IQCH: variants seen among roughly 807,000 people sequenced by gnomAD.
The protein encoded by IQCH is IQ motif containing H.
Under a neutral mutation model 117.0 loss-of-function variants are expected in IQCH, and 98 were observed. That is an observed-to-expected ratio of 0.84 (90% CI 0.71 to 0.99). The LOEUF (loss-of-function observed/expected upper bound fraction) is 0.99. Ranked by LOEUF, IQCH falls within the 50% of genes least tolerant of loss-of-function variation. The pLI, the probability that IQCH is intolerant of heterozygous loss-of-function variation, is 0.00. For synonymous variants in IQCH, 412 were observed against 448.2 expected (o/e 0.92, Z 1.02); for missense variants, 1,102 against 1,243.8 (o/e 0.89, Z 1.72).
chr15:67,444,475 A>G (rs2082349600), intron 16 of IQCH, among the ~76,000 whole-genome samples: 1 of 152,156 alleles, frequency 6.6e-6, no homozygotes, highest in African/African-American at 2.4e-5. Flanking sequence ...CCCCATAATA[A>G]TTTCACAATG....
chr15:67,484,590 A>T lies in IQCH; in HGVS notation c.2800-5413A>T, dbSNP rs2083424546. On this transcript the variant is annotated intron_variant, in intron 18 of 20. Coordinates refer to ENST00000335894, the MANE Select transcript of IQCH (RefSeq NM_001031715.3). ...CTAAAAATACAAAAAAAAAAAAAAA[A>T]AATAGCTAGGGATGGTGGTGCGCAC... is the stretch of plus-strand genomic sequence containing the variant. 3.4e-5 allele frequency among the ~76,000 whole-genome samples: 5 copies of T among 148,718 alleles called. No individual in the cohort carries two copies. In the South Asian group the frequency reaches 1.1e-3, roughly 31 times the overall value.
chr15:67,273,047 A>G (rs1317828944), intron 3 of IQCH, among the ~76,000 whole-genome samples: 1 of 151,702 alleles, frequency 6.6e-6, no homozygotes, highest in African/African-American at 2.4e-5. Flanking sequence ...GTTTTAATTC[A>G]TTGCTTTTTT....
chr15:67,400,871 T>C (rs1025562750), intron 14 of IQCH, among the ~76,000 whole-genome samples: 2 of 152,144 alleles, frequency 1.3e-5, no homozygotes, highest in African/African-American at 4.8e-5. Context: ...AATTAGGAAG[T>C]AATTTTTTTT....
chr15:67,271,200 CGTT>C (rs1965884935), intron 3 of IQCH, among the ~76,000 whole-genome samples: 2 of 152,152 alleles, frequency 1.3e-5, no homozygotes, highest in African/African-American at 2.4e-5. Context: ...GAACTCCTGA[CGTT>C]GTGATCCGCC....
Position 67,463,209 on chromosome 15 carries a change from GA to G in IQCH, c.2506-1913del, listed in dbSNP as rs1185799923. Among the ~76,000 whole-genome samples, 7 of 152,272 alleles carry G rather than the reference GA, an allele frequency of 4.6e-5. No individual in the cohort carries two copies. The highest frequency in any genetic ancestry group is 1.7e-4 in the African/African-American group (7 of 41,542). On this transcript the variant is annotated intron_variant, in intron 16 of 20. Transcript: ENST00000335894. The surrounding 1 kb of genome is among the most constrained non-coding windows in gnomAD (Gnocchi z 4.0). ...GGGGTAAATACAGGCCTTCTAGGAG[GA>G]AAAACTGTTTAATCAAGTCTTCATG... is the stretch of plus-strand genomic sequence containing the variant.
chr15:67,405,954 A>G lies in IQCH; in HGVS notation c.2097+5649A>G, dbSNP rs1375275216. On this transcript the variant is annotated intron_variant, in intron 14 of 20. Transcript: ENST00000335894. This position sits in a 1 kb window ranked among gnomAD's most constrained non-coding sequence, Gnocchi z 4.8. ...GAGGTGTAGGGGGCCATCAATACACACACCTCAGAGCTGGAGAGGAGGAGC... is the reference window on the plus strand; with the variant it reads ...GAGGTGTAGGGGGCCATCAATACACGCACCTCAGAGCTGGAGAGGAGGAGC... 3.3e-5 allele frequency: 5 copies of G among 152,192 alleles called. No homozygotes were observed. Among genetic ancestry groups the G allele is most frequent in the African/African-American group, 4.8e-5 (2 of 41,446 alleles). 9.4% of individuals were successfully genotyped at this position (152,192 alleles called of 1,614,324 possible). A position where few individuals can be genotyped will look rare whatever the true frequency, so the allele number is the denominator to read the frequency against.
intron 7 of IQCH, among the ~76,000 whole-genome samples, chr15:67,358,314 C>G (rs1254120053): frequency 2.1e-5 from 3 of 142,778 alleles, no homozygotes; most frequent in African/African-American, 5.2e-5. Flanking sequence ...CATGCCTTAG[C>G]CTCCCGAGTA....
intron 4 of IQCH, among the ~76,000 whole-genome samples, chr15:67,317,904 G>A (rs1379499750): frequency 1.3e-5 from 2 of 151,962 alleles, no homozygotes; most frequent in African/African-American, 2.4e-5. Flanking sequence ...CCCTACACAC[G>A]GCTTCCCTTA....
At chr15:67,368,156 G>T (rs1228946481) in intron 8 of IQCH, among the ~76,000 whole-genome samples, 1 of 152,182 alleles carries the variant, frequency 6.6e-6, no homozygotes, top group Non-Finnish European at 1.5e-5. Flanking sequence ...GGCAAAGCTT[G>T]GATTTGAACC....
chr15:67,386,138 A>G lies in IQCH; in HGVS notation c.1456+1119A>G, dbSNP rs1265523153. 6.6e-6 allele frequency among the ~76,000 whole-genome samples: 1 copy of G among 152,182 alleles called. No individual in the cohort carries two copies. The highest frequency in any genetic ancestry group is 2.4e-5 in the African/African-American group (1 of 41,464). ...TTGTTAGTGCTAAGCTATTTCAACT[A>G]AAAACCTGACTGGATGGAAACCACT... is the stretch of plus-strand genomic sequence containing the variant. On this transcript the variant is annotated intron_variant, in intron 11 of 20. Coordinates refer to ENST00000335894, the MANE Select transcript of IQCH (RefSeq NM_001031715.3). The surrounding 1 kb of genome is among the most constrained non-coding windows in gnomAD (Gnocchi z 5.0).
chr15:67,298,630 C>A (rs1966878702), intron 4 of IQCH, among the ~76,000 whole-genome samples: 1 of 152,094 alleles, frequency 6.6e-6, no homozygotes, highest in Non-Finnish European at 1.5e-5. Context: ...CGTTGGGAGG[C>A]CGAGGTGGGC....
In IQCH at chr15:67,395,846, T is replaced by C. The variant is rs1971452666; in HGVS notation, c.1905+283T>C. On this transcript the variant is annotated intron_variant, in intron 13 of 20. Coordinates refer to ENST00000335894, the MANE Select transcript of IQCH (RefSeq NM_001031715.3). The surrounding 1 kb of genome is among the most constrained non-coding windows in gnomAD (Gnocchi z 4.0). ...TGTGACTTCCAGCTAATTTTTGTAT[T>C]TTTAGTAGAGATGGGGTTTCACCAT... Among the ~76,000 whole-genome samples, 5 of 151,882 alleles carry C rather than the reference T, an allele frequency of 3.3e-5. No homozygotes were observed. The highest frequency in any genetic ancestry group is 3.3e-4 in the Admixed American group (5 of 15,228).
intron 4 of IQCH, among the ~76,000 whole-genome samples, chr15:67,294,506 G>T (rs773067189): frequency 6.6e-6 from 1 of 152,136 alleles, no homozygotes; most frequent in Non-Finnish European, 1.5e-5. Context: ...GGAATATTTT[G>T]CTTTTCTAAT....
chr15:67,299,327 A>G (rs12916403), intron 4 of IQCH, among the ~76,000 whole-genome samples: 31,792 of 151,926 alleles, frequency 0.21, 4,049 homozygotes, highest in East Asian at 0.47. Flanking sequence ...ACAAAAATAT[A>G]GTTAAATAGA....
chr15:67,272,047 A>G (rs538635100), intron 3 of IQCH, among the ~76,000 whole-genome samples: 1 of 152,070 alleles, frequency 6.6e-6, no homozygotes, highest in South Asian at 2.1e-4. Flanking sequence ...TGATATAGGC[A>G]TTTATTGTTG....
intron 14 of IQCH, among the ~76,000 whole-genome samples, chr15:67,415,903 T>C (rs1357532620): frequency 2.6e-5 from 4 of 152,006 alleles, no homozygotes; most frequent in Admixed American, 2.6e-4. Context: ...AAAAATAAAA[T>C]TTTTTTAGAA....
At chr15:67,360,514 T>G (rs1970088466) in intron 8 of IQCH, among the ~76,000 whole-genome samples, 3 of 152,244 alleles carry the variant, frequency 2.0e-5, no homozygotes. Flanking sequence ...GCAAGTCACT[T>G]GACTTCTCTG....
At chr15:67,299,981 G>A (rs1966942290) in intron 4 of IQCH, among the ~76,000 whole-genome samples, 1 of 151,948 alleles carries the variant, frequency 6.6e-6, no homozygotes, top group African/African-American at 2.4e-5. Context: ...AGCAACCATT[G>A]ATGTTTACTT....
At chr15:67,452,179 A>G (rs1465677982) in intron 16 of IQCH, among the ~76,000 whole-genome samples, 1 of 152,028 alleles carries the variant, frequency 6.6e-6, no homozygotes, top group Non-Finnish European at 1.5e-5. Context: ...TCTTTATCCA[A>G]TTTGCCAGTC....
Sources: allele counts gnomAD v4.1 joint callset (sites outside exome capture counted in the v4.1 genomes callset), GRCh38; gene constraint gnomAD v4.1.1; non-coding constraint Gnocchi (gnomAD v3.1); transcripts MANE v1.5; gene names NCBI Gene and HGNC (gene_info 2026-07-23, HGNC 2026-07-21).